The following CFAP36 variants were observed in gnomAD, a reference collection of about 807,000 sequenced individuals.
CFAP36 encodes cilia and flagella associated protein 36.
CFAP36 carries 37 observed loss-of-function variants against 50.5 expected under a neutral mutation model. The observed-to-expected ratio is 0.73, with a 90% confidence interval of 0.56 to 0.96. The LOEUF (loss-of-function observed/expected upper bound fraction) is 0.96, where lower values mean the gene tolerates loss of function less well. CFAP36 is among the 50% of genes least tolerant of loss of function. The pLI is 0.00. For missense variants in CFAP36, 407 were observed against 396.2 expected (o/e 1.03, Z -0.23); for synonymous variants, 138 against 128.2 (o/e 1.08, Z -0.52).
At chr2:55,523,633 G>T in intron 2 of CFAP36, 88 bp from the exon 3 acceptor site, 1 of 764,040 alleles carries the variant, frequency 1.3e-6, no homozygotes. Flanking sequence ...AAAATTCGAT[G>T]ATACTTTTCT....
intron 4 of CFAP36, among the ~76,000 whole-genome samples, chr2:55,531,575 T>A (rs1684351096): frequency 6.6e-6 from 1 of 152,254 alleles, no homozygotes; most frequent in Non-Finnish European, 1.5e-5. Context: ...TGCATCTTTA[T>A]ACTCTGCCAT....
Position 55,519,910 on chromosome 2 carries a change from T to A in CFAP36, c.109T>A (p.Cys37Ser). Residue 37 changes from cysteine (C) to serine (S), a missense_variant, in exon 1 of 10, where the codon TGT becomes AGT. Physicochemically the swap from Cys to Ser is moderately radical, Grantham distance 112. Coordinates refer to ENST00000349456, the MANE Select transcript of CFAP36 (RefSeq NM_080667.7). Reference sequence around the variant, plus strand: ...CATCTTGGACTTTGTGGAACAGAAATGTGAAGGTAAAAACCAGAGCCCGAA... The same window carrying A: ...CATCTTGGACTTTGTGGAACAGAAAAGTGAAGGTAAAAACCAGAGCCCGAA... ...IPILDFVEQK[C>S]EVFDDEEESK... 6.2e-7 allele frequency: 1 copy of A among 1,614,068 alleles called. No homozygotes were observed. The highest frequency in any genetic ancestry group is 1.1e-5 in the South Asian group (1 of 91,084).
intron 1 of CFAP36, chr2:55,520,522 G>C: frequency 6.9e-7 from 1 of 1,448,258 alleles, no homozygotes; most frequent in Non-Finnish European, 9.3e-7. Flanking sequence ...TGGCGAGGTG[G>C]GGCAGGACCA....
rs1216019869 is a variant in CFAP36 at position 55,525,220 on chromosome 2, G to A, written c.282+1398G>A. ...TAATCCCAGCACTTTGGGAGACCAA[G>A]ACAGGAGGATTGCTTGAAGCCAGGG... On this transcript the variant is annotated intron_variant, in intron 3 of 9. Coordinates refer to ENST00000349456, the MANE Select transcript of CFAP36 (RefSeq NM_080667.7). 3.3e-5 allele frequency among the ~76,000 whole-genome samples: 5 copies of A among 152,098 alleles called. No individual in the cohort carries two copies. In the East Asian group the frequency reaches 9.7e-4, roughly 29 times the overall value.
intron 3 of CFAP36, among the ~76,000 whole-genome samples, chr2:55,527,680 C>T (rs1684245973): frequency 1.3e-5 from 2 of 152,128 alleles, no homozygotes; most frequent in South Asian, 4.1e-4. Flanking sequence ...CAAAAATACA[C>T]ATTCTTCTCA....
intron 7 of CFAP36, among the ~76,000 whole-genome samples, chr2:55,540,901 C>T (rs371574182): frequency 6.6e-4 from 101 of 152,058 alleles, no homozygotes; most frequent in African/African-American, 1.9e-3. Context: ...TAGTCCCAGC[C>T]TCTAGGGAGG....
intron 3 of CFAP36, among the ~76,000 whole-genome samples, chr2:55,525,895 G>A (rs892983010): frequency 6.6e-6 from 1 of 152,144 alleles, no homozygotes; most frequent in Non-Finnish European, 1.5e-5. Context: ...CCAAAGTGCT[G>A]GGATTACAGG....
intron 1 of CFAP36, 47 bp from the exon 2 acceptor site, chr2:55,522,055 A>T: frequency 1.0e-6 from 1 of 972,228 alleles, no homozygotes; most frequent in South Asian, 1.5e-5. Context: ...TTGCATTAAT[A>T]AAATGATTTG....
In CFAP36 at chr2:55,530,766, G is replaced by A. The variant is rs75756012; in HGVS notation, c.397+1774G>A. On this transcript the variant is annotated intron_variant, in intron 4 of 9. Transcript: ENST00000349456. ...ACCTCACCTTAATTTCTATGTCTTC[G>A]TTAGCTCAATAGATTGCCATGATAT... 4.9e-3 allele frequency among the ~76,000 whole-genome samples: 746 copies of A among 152,158 alleles called. 5 individuals are homozygous for A. Among genetic ancestry groups the A allele is most frequent in the African/African-American group, 0.017 (723 of 41,492 alleles).
chr2:55,544,308 A>G lies in CFAP36; in HGVS notation c.866A>G (p.Asp289Gly), dbSNP rs1435184752. 3.0e-5 allele frequency: 49 copies of G among 1,613,866 alleles called. No homozygotes were observed. Among genetic ancestry groups the G allele is most frequent in the Non-Finnish European group, 4.2e-5 (49 of 1,179,954 alleles). Residue 289 changes from aspartate to glycine, a missense_variant, in exon 9 of 10, where the codon GAT (aspartate) becomes GGT (glycine). Physicochemically the swap from Asp to Gly is moderately conservative, Grantham distance 94 (BLOSUM62 -1). Coordinates refer to ENST00000349456, the MANE Select transcript of CFAP36 (RefSeq NM_080667.7). ...KRDKLMSMRKDMRTKQIQNME... is the reference protein window; with the variant it reads ...KRDKLMSMRKGMRTKQIQNME... ...GATAAGTTGATGTCCATGAGAAAGG[A>G]TATGAGGACTAAACAGATACAAAAT...
intron 7 of CFAP36, chr2:55,539,618 G>A (rs1054910764): frequency 1.3e-5 from 2 of 152,214 alleles, no homozygotes; most frequent in African/African-American, 4.8e-5. Flanking sequence ...ATAGCTTTCA[G>A]CTCCTTTGGG....
In CFAP36 at chr2:55,535,692, C is replaced by T; in HGVS notation, c.486-20C>T. ...CAAAAAAGGAAATTTATCTTTTTATCTTATTTTTGTATATTTCAGAAAATC... is the reference window on the plus strand; with the variant it reads ...CAAAAAAGGAAATTTATCTTTTTATTTTATTTTTGTATATTTCAGAAAATC... On this transcript the variant is annotated intron_variant, in intron 5 of 9. Coordinates refer to ENST00000349456, the MANE Select transcript of CFAP36 (RefSeq NM_080667.7). 6.7e-7 allele frequency: 1 copy of T among 1,500,308 alleles called. No individual in the cohort carries two copies. Among genetic ancestry groups the T allele is most frequent in the Non-Finnish European group, 8.9e-7 (1 of 1,128,224 alleles). The allele number at this position is 1,500,308 out of a possible 1,614,324, so 92.9% of individuals were successfully genotyped here. A position where few individuals can be genotyped will look rare whatever the true frequency, so the allele number is the denominator to read the frequency against.
chr2:55,538,700 C>G (rs1387773927), intron 7 of CFAP36: 1 of 1,396,182 alleles, frequency 7.2e-7, no homozygotes, highest in East Asian at 2.5e-5. Flanking sequence ...GCCTCAGCCT[C>G]CCAAAGCACT....
At chr2:55,539,642 G>A (rs901743829) in intron 7 of CFAP36, 1 of 152,226 alleles carries the variant, frequency 6.6e-6, no homozygotes, top group African/African-American at 2.4e-5. Flanking sequence ...ATACCAATGA[G>A]CATGATTGTT....
intron 1 of CFAP36, chr2:55,520,395 AAACCAACAGTT>A (rs1479226806): frequency 1.3e-6 from 2 of 1,535,626 alleles, no homozygotes; most frequent in African/African-American, 2.8e-5. Context: ...ATTTCACTCC[AAACCAACAGTT>A]AACTGCAAAG....
chr2:55,543,958 A>T lies in CFAP36; in HGVS notation c.661A>T (p.Asn221Tyr). Residue 221 changes from asparagine (N) to tyrosine (Y), a missense_variant, in exon 8 of 10, where the codon AAT (asparagine) becomes TAT (tyrosine). Transcript: ENST00000349456. ...GCCAGAAGTTAAAATGCATTTTGCT[A>T]ATCAGTCAATAGAACCTTTGGGAAG... ...PPSEVKMHFA[N>Y]QSIEPLGRKV... is the part of the protein sequence containing the mutation. 3 of 1,613,148 alleles carry T rather than the reference A, an allele frequency of 1.9e-6. No individual in the cohort carries two copies. Among genetic ancestry groups the T allele is most frequent in the Non-Finnish European group, 2.5e-6 (3 of 1,179,496 alleles).
chr2:55,528,815 C>T (rs992198211), intron 3 of CFAP36, 63 bp from the exon 4 acceptor site: 8 of 927,146 alleles, frequency 8.6e-6, no homozygotes, highest in East Asian at 2.5e-5. Context: ...AGAAATGGTT[C>T]GAATGTATGG....
rs1452454504 is a variant in CFAP36 at position 55,527,496 on chromosome 2, C to T, written c.283-1382C>T. ...ACTCAGGAGGCTGAGGCAAGAGAAT[C>T]GCTTGAACCTGGGAGGTGGAGGTTG... On this transcript the variant is annotated intron_variant, in intron 3 of 9. Transcript: ENST00000349456. 1.3e-4 allele frequency among the ~76,000 whole-genome samples: 20 copies of T among 152,164 alleles called. No homozygotes were observed. In the East Asian group the frequency reaches 2.1e-3, roughly 16 times the overall value.
chr2:55,534,188 C>A (rs1189910458), intron 5 of CFAP36, among the ~76,000 whole-genome samples: 2 of 152,144 alleles, frequency 1.3e-5, no homozygotes, highest in Non-Finnish European at 2.9e-5. Context: ...CTTTTTACAC[C>A]CGCATCATAG....
Sources: allele counts gnomAD v4.1 joint callset (sites outside exome capture counted in the v4.1 genomes callset), GRCh38; gene constraint gnomAD v4.1.1; transcripts MANE v1.5; gene names NCBI Gene and HGNC (gene_info 2026-07-23, HGNC 2026-07-21).